The following CTNNA2 variants were observed in gnomAD, a reference collection of about 807,000 sequenced individuals.
The protein encoded by CTNNA2 is catenin alpha 2.
In CTNNA2, 42 loss-of-function variants were observed where a neutral mutation model predicts 101.0. The observed-to-expected ratio is 0.42, with a 90% CI of 0.32 to 0.54. CTNNA2 has a LOEUF of 0.54. Among genes scored for constraint, CTNNA2 ranks in the 20% least tolerant of loss-of-function variants. The probability of loss-of-function intolerance (pLI) is 0.14; values close to 1 mark genes in which losing one functional copy is unlikely to be tolerated. For missense variants in CTNNA2, 871 were observed against 1,223.1 expected (o/e 0.71, Z 4.29); for synonymous variants, 450 against 456.4 (o/e 0.99, Z 0.18).
chr2:80,564,630 T>C (rs774035940), intron 12 of CTNNA2, among the ~76,000 whole-genome samples: 1 of 151,988 alleles, frequency 6.6e-6, no homozygotes, highest in Non-Finnish European at 1.5e-5. Flanking sequence ...GTTTGAAATA[T>C]ACATTTATAA....
chr2:80,333,759 G>A (rs1180750667), intron 7 of CTNNA2, among the ~76,000 whole-genome samples: 6 of 152,172 alleles, frequency 3.9e-5, no homozygotes, highest in Non-Finnish European at 7.3e-5. Flanking sequence ...GAGTGGCTGG[G>A]ATTGCAGGTG....
chr2:79,300,285 G>A (rs1676078654), intron 2 of CTNNA2, among the ~76,000 whole-genome samples: 1 of 152,092 alleles, frequency 6.6e-6, no homozygotes, highest in Non-Finnish European at 1.5e-5. Flanking sequence ...TGGAGGGTAT[G>A]GACTTTGTAG....
rs137887570 is a variant in CTNNA2 at position 79,469,942 on chromosome 2, T to C, written c.-134-35112T>C. Among the ~76,000 whole-genome samples the C allele has an allele frequency of 2.6e-3, 389 of 152,202 alleles. 2 individuals are homozygous for C. The highest frequency in any genetic ancestry group is 8.9e-3 in the African/African-American group (371 of 41,538). On this transcript the variant is annotated intron_variant, in intron 4 of 21. Coordinates refer to the CTNNA2 transcript ENST00000466387. ...AATATCATACTGAATGGGCAAAAAC[T>C]GGAAACATTCCCTTTGAAAACTGGC...
At position 79,217,154 on chromosome 2, in the gene CTNNA2, C is replaced by T. The variant is rs569215602; in HGVS notation, c.-406+19078C>T. Among the ~76,000 whole-genome samples the T allele has an allele frequency of 3.3e-4, 51 of 152,242 alleles. No homozygotes were observed. In the South Asian group the frequency reaches 8.7e-3, roughly 26 times the overall value. On this transcript the variant is annotated intron_variant, in intron 2 of 21. Coordinates refer to the CTNNA2 transcript ENST00000466387. Reference sequence around the variant, plus strand: ...GTTGGAGAAGAGAGTAAGAAAAGGACGCTTACCTGATTTAAAATTGGTGAG... The same window carrying T: ...GTTGGAGAAGAGAGTAAGAAAAGGATGCTTACCTGATTTAAAATTGGTGAG...
intron 4 of CTNNA2, among the ~76,000 whole-genome samples, chr2:79,469,579 AAG>A (rs1334853998): frequency 1.2e-4 from 18 of 152,312 alleles, no homozygotes; most frequent in African/African-American, 4.3e-4. Flanking sequence ...ACAACAAAAA[AAG>A]AGACTTTTAG....
chr2:79,648,739 C>G (rs1015897689), intron 1 of CTNNA2, among the ~76,000 whole-genome samples: 1 of 152,118 alleles, frequency 6.6e-6, no homozygotes, highest in Non-Finnish European at 1.5e-5. Flanking sequence ...TCCCCACCAC[C>G]ACTCCTTTTG....
chr2:80,192,876 G>A (rs1183782850), intron 7 of CTNNA2, among the ~76,000 whole-genome samples: 2 of 152,158 alleles, frequency 1.3e-5, no homozygotes, highest in Admixed American at 6.5e-5. Context: ...AATCTACTCA[G>A]TCATGCATCT....
intron 17 of CTNNA2, among the ~76,000 whole-genome samples, chr2:80,610,636 A>G (rs1698386963): frequency 6.6e-6 from 1 of 151,762 alleles, no homozygotes; most frequent in South Asian, 2.1e-4. Flanking sequence ...AGAGATTTGG[A>G]CATATTATTT....
rs113639409 is a variant in CTNNA2 at position 79,666,004 on chromosome 2, T to C, written c.102+14346T>C. 4.3e-3 allele frequency among the ~76,000 whole-genome samples: 661 copies of C among 152,324 alleles called. 3 individuals carry two copies. The highest frequency in any genetic ancestry group is 0.015 in the African/African-American group (604 of 41,574). On this transcript the variant is annotated intron_variant, in intron 2 of 18. Coordinates refer to ENST00000402739, the MANE Select transcript of CTNNA2 (RefSeq NM_001282597.3). ...TAACACGAACTCCCAGTTTACACTG[T>C]TGACTGAAACTTCTCAAGCTTGTTT...
intron 7 of CTNNA2, among the ~76,000 whole-genome samples, chr2:79,955,084 C>A (rs1234847078): frequency 6.6e-6 from 1 of 152,176 alleles, no homozygotes; most frequent in African/African-American, 2.4e-5. Context: ...AGTCTGACTG[C>A]ACCAGTTTAA....
At chr2:80,646,471 G>T (rs1674104344) in intron 18 of CTNNA2, among the ~76,000 whole-genome samples, 1 of 152,042 alleles carries the variant, frequency 6.6e-6, no homozygotes, top group Non-Finnish European at 1.5e-5. Flanking sequence ...TAGACTCCTG[G>T]CTGATGGAGA....
At chr2:80,363,163 T>C (rs1196465679) in intron 7 of CTNNA2, among the ~76,000 whole-genome samples, 1 of 151,948 alleles carries the variant, frequency 6.6e-6, no homozygotes, top group African/African-American at 2.4e-5. Flanking sequence ...AATACAAAAA[T>C]AAATATAAGT....
rs377633556 is a variant in CTNNA2 at position 80,553,235 on chromosome 2, TAA to T, written c.1541-2455_1541-2454del. On this transcript the variant is annotated intron_variant, in intron 11 of 18. Transcript: ENST00000402739. The stretch of plus-strand genomic sequence containing the variant: ...GGAGACTCCGTCTCAAAAAAAAAAA[TAA>T]AATAAAATAAAATAAAATTAGTCAA... Among the ~76,000 whole-genome samples, 84 of 97,608 alleles carry T rather than the reference TAA, an allele frequency of 8.6e-4. 4 individuals carry two copies. In the South Asian group the frequency reaches 0.018, roughly 20 times the overall value. The allele number at this position is 97,608 out of a possible 152,430, so 64.0% of individuals were successfully genotyped here.
At chr2:79,507,873 G>A (rs932678184) in intron 5 of CTNNA2, among the ~76,000 whole-genome samples, 3 of 152,126 alleles carry the variant, frequency 2.0e-5, no homozygotes, top group African/African-American at 7.2e-5. Context: ...TGTTTTCTGT[G>A]TATTCACTAA....
chr2:79,366,641 A>G (rs1019698812), intron 3 of CTNNA2, among the ~76,000 whole-genome samples: 2 of 152,244 alleles, frequency 1.3e-5, no homozygotes, highest in African/African-American at 4.8e-5. Context: ...TATGGAGACA[A>G]AATTCTAATA....
At chr2:79,703,189 G>C (rs2104767007) in intron 2 of CTNNA2, among the ~76,000 whole-genome samples, 1 of 152,226 alleles carries the variant, frequency 6.6e-6, no homozygotes, top group Non-Finnish European at 1.5e-5. Context: ...TTGACAAGTG[G>C]GTGAGTTCTA....
chr2:80,431,580 G>A (rs934445092), intron 9 of CTNNA2, among the ~76,000 whole-genome samples: 8 of 152,194 alleles, frequency 5.3e-5, no homozygotes, highest in African/African-American at 1.9e-4. Flanking sequence ...GGTTTCCCAG[G>A]TGGCCTCACA....
chr2:79,816,831 G>C (rs1298051416), intron 3 of CTNNA2, among the ~76,000 whole-genome samples: 2 of 152,048 alleles, frequency 1.3e-5, no homozygotes, highest in Non-Finnish European at 2.9e-5. Context: ...GAGAAAACTA[G>C]AGAGTTAAAA....
chr2:79,847,612 G>A (rs934976885), intron 3 of CTNNA2, among the ~76,000 whole-genome samples: 3 of 143,912 alleles, frequency 2.1e-5, no homozygotes, highest in Non-Finnish European at 3.0e-5. Flanking sequence ...AAGACAAAGC[G>A]TTTTTTGTCC....
Sources: allele counts gnomAD v4.1 joint callset (sites outside exome capture counted in the v4.1 genomes callset), GRCh38; gene constraint gnomAD v4.1.1; transcripts MANE v1.5; gene names NCBI Gene and HGNC (gene_info 2026-07-23, HGNC 2026-07-21).